HDHD2: variants seen among roughly 807,000 people sequenced by gnomAD.
HDHD2 encodes haloacid dehalogenase-like hydrolase domain-containing protein 2.
Under a neutral mutation model 24.8 loss-of-function variants are expected in HDHD2, and 26 were observed. That is an observed-to-expected ratio of 1.05 (90% CI 0.77 to 1.45). HDHD2 has a LOEUF of 1.45. HDHD2 is among the 40% of genes most tolerant of loss of function. The pLI is 0.00. For missense variants in HDHD2, 299 were observed against 313.4 expected (o/e 0.95, Z 0.35); for synonymous variants, 128 against 114.9 (o/e 1.11, Z -0.73).
chr18:47,143,081 T>C lies in HDHD2; in HGVS notation c.-10-6632A>G, dbSNP rs1441654167. On this transcript the variant is annotated intron_variant, in intron 1 of 6. Coordinates refer to ENST00000300605, the MANE Select transcript of HDHD2 (RefSeq NM_032124.5). ...ATAATGTTATTAATAATGTATAAAA[T>C]TAGATATACAACAGGAATAAAAATT... is the stretch of plus-strand genomic sequence containing the variant. 2.0e-5 allele frequency among the ~76,000 whole-genome samples: 3 copies of C among 152,262 alleles called. No homozygotes were observed. The East Asian group carries it at 5.8e-4, about 29-fold the overall frequency.
intron 3 of HDHD2, among the ~76,000 whole-genome samples, chr18:47,132,270 T>C (rs1412004764): frequency 6.6e-6 from 1 of 152,190 alleles, no homozygotes; most frequent in Non-Finnish European, 1.5e-5. Context: ...GATAGAACTT[T>C]TCATCATTAT....
intron 4 of HDHD2, among the ~76,000 whole-genome samples, chr18:47,127,084 C>A (rs2063666130): frequency 6.6e-6 from 1 of 152,046 alleles, no homozygotes. Flanking sequence ...TGGCATGAAC[C>A]CGGAAGGCGG....
chr18:47,119,617 GTCA>G (rs1214894444), intron 4 of HDHD2, among the ~76,000 whole-genome samples: 1 of 152,138 alleles, frequency 6.6e-6, no homozygotes, highest in East Asian at 1.9e-4. Context: ...ACCCCTCAAA[GTCA>G]TCCATGAGGG....
At chr18:47,140,044 TTTTC>T (rs934668616) in intron 1 of HDHD2, among the ~76,000 whole-genome samples, 38 of 152,128 alleles carry the variant, frequency 2.5e-4, no homozygotes, top group African/African-American at 9.2e-4. Flanking sequence ...GTGATAATAA[TTTTC>T]TTTCTTTTCT....
chr18:47,122,191 C>A (rs2063613738), intron 4 of HDHD2, among the ~76,000 whole-genome samples: 1 of 152,164 alleles, frequency 6.6e-6, no homozygotes, highest in Non-Finnish European at 1.5e-5. Flanking sequence ...CCTCTGCATG[C>A]CTCAGTGTCC....
intron 1 of HDHD2, chr18:47,149,126 G>T (rs1490927192): frequency 1.3e-5 from 2 of 152,196 alleles, no homozygotes; most frequent in Admixed American, 6.6e-5. Context: ...AGAGAAGCAA[G>T]GAGGGAACAT....
Position 47,134,563 on chromosome 18 carries a change from A to C in HDHD2, c.243T>G (p.Ser81Arg), listed in dbSNP as rs2063744953. 6.2e-7 allele frequency: 1 copy of C among 1,614,148 alleles called. No homozygotes were observed. Among genetic ancestry groups the C allele is most frequent in the African/African-American group, 1.3e-5 (1 of 75,048 alleles). ...GTCTGACTTGTTTCCGCTCTAGTAA[A>C]CTTCTGGCTGCAGTCAGAGATGTGA... is the stretch of plus-strand genomic sequence containing the variant. The part of the protein sequence containing the change: ...EIFTSLTAAR[S>R]LLERKQVRPM... Residue 81 changes from serine (S) to arginine (R), a missense_variant, in exon 3 of 7, where the codon AGT (serine) becomes AGG (arginine). Coordinates refer to ENST00000300605, the MANE Select transcript of HDHD2 (RefSeq NM_032124.5).
intron 3 of HDHD2, among the ~76,000 whole-genome samples, chr18:47,134,131 C>T (rs997719303): frequency 3.3e-5 from 5 of 152,072 alleles, no homozygotes; most frequent in Admixed American, 3.3e-4. Context: ...TTTCAAACCA[C>T]GGGTCGTGAT....
At position 47,146,723 on chromosome 18, in the gene HDHD2, A is replaced by G. The variant is rs555914492; in HGVS notation, c.-11+3655T>C. 1.9e-3 allele frequency among the ~76,000 whole-genome samples: 294 copies of G among 152,362 alleles called. 2 individuals are homozygous for G. Among genetic ancestry groups the G allele is most frequent in the African/African-American group, 6.9e-3 (288 of 41,582 alleles). ...TCTCGGAAATCTACTAGAGGGTGAA[A>G]AAAGCAAGTCAAAAAAGAATATATA... On this transcript the variant is annotated intron_variant, in intron 1 of 6. Transcript: ENST00000300605.
At chr18:47,119,201 T>A (rs1479056571) in intron 4 of HDHD2, among the ~76,000 whole-genome samples, 1 of 152,192 alleles carries the variant, frequency 6.6e-6, no homozygotes, top group African/African-American at 2.4e-5. Context: ...ACTGTGGCAA[T>A]GCCTCAAAAT....
intron 1 of HDHD2, among the ~76,000 whole-genome samples, chr18:47,143,337 T>C (rs1195160045): frequency 6.6e-6 from 1 of 152,012 alleles, no homozygotes; most frequent in Non-Finnish European, 1.5e-5. Flanking sequence ...GTGCCTGTAG[T>C]CTCAGCTACT....
At chr18:47,135,141 A>G (rs895972897) in intron 2 of HDHD2, among the ~76,000 whole-genome samples, 4 of 152,120 alleles carry the variant, frequency 2.6e-5, no homozygotes, top group African/African-American at 7.2e-5. Flanking sequence ...TGCCAGATAT[A>G]TAAGTATGTA....
At chr18:47,114,917 G>A (rs1179318216) in intron 5 of HDHD2, among the ~76,000 whole-genome samples, 5 of 151,486 alleles carry the variant, frequency 3.3e-5, no homozygotes, top group Admixed American at 3.3e-4. Flanking sequence ...CTCCTATTAC[G>A]CTATGGAGAA....
At chr18:47,135,185 TGAAA>T (rs2063752618) in intron 2 of HDHD2, among the ~76,000 whole-genome samples, 1 of 152,068 alleles carries the variant, frequency 6.6e-6, no homozygotes, top group Non-Finnish European at 1.5e-5. Flanking sequence ...GTAAGCTCCT[TGAAA>T]GAAAGTGAGG....
intron 3 of HDHD2, among the ~76,000 whole-genome samples, chr18:47,133,256 T>G (rs1024737522): frequency 1.3e-5 from 2 of 152,026 alleles, no homozygotes; most frequent in Non-Finnish European, 2.9e-5. Flanking sequence ...TTTGGTTTTC[T>G]GTCCTTGCAA....
intron 4 of HDHD2, among the ~76,000 whole-genome samples, chr18:47,124,728 A>AAAAAC (rs150762794): frequency 3.3e-5 from 5 of 149,258 alleles, no homozygotes; most frequent in African/African-American, 1.3e-4. Context: ...AAAAAAAAAA[A>AAAAAC]CAACTTTGAC....
At chr18:47,134,176 C>A (rs1050207190) in intron 3 of HDHD2, among the ~76,000 whole-genome samples, 6 of 152,070 alleles carry the variant, frequency 3.9e-5, no homozygotes, top group Admixed American at 3.3e-4. Flanking sequence ...TTGGAGGGCT[C>A]TAAACAGCAT....
At chr18:47,114,850 A>T (rs956367606) in intron 5 of HDHD2, among the ~76,000 whole-genome samples, 9 of 151,016 alleles carry the variant, frequency 6.0e-5, no homozygotes, top group African/African-American at 2.2e-4. Context: ...ATAATATACA[A>T]ATATATATAT....
rs1219404331 is a variant in HDHD2 at position 47,134,605 on chromosome 18, G to A, written c.201C>T (p.Ile67=). The A allele has an allele frequency of 1.2e-6, 2 of 1,613,926 alleles. No homozygotes were observed. Among genetic ancestry groups the A allele is most frequent in the Non-Finnish European group, 1.7e-6 (2 of 1,179,810 alleles). ...LERLRKLEFD[I]SEDEIFTSLT... is the part of the protein sequence containing the mutation. ...GAGATGTGAATATTTCATCTTCAGA[G>A]ATATCAAATTCCAATTTTCTCAACC... The change falls in exon 3 of 7, where the codon ATC becomes ATT. Residue 67 remains isoleucine (I), a synonymous_variant. Transcript: ENST00000300605.
Sources: gnomAD v4.1 joint callset for allele counts (sites outside exome capture counted in the v4.1 genomes callset) on GRCh38, gnomAD v4.1.1 for gene constraint, MANE v1.5 for transcripts, NCBI Gene and HGNC (gene_info 2026-07-23, HGNC 2026-07-21) for gene names.